Variants in RBMS3 observed in about 807,000 individuals in gnomAD.
RBMS3 encodes the protein RNA-binding motif, single-stranded-interacting protein 3.
RBMS3 carries 27 observed loss-of-function variants against 66.8 expected under a neutral mutation model. That is an observed-to-expected ratio of 0.40 (90% CI 0.30 to 0.56). The LOEUF (loss-of-function observed/expected upper bound fraction) is 0.56, where lower values mean the gene tolerates loss of function less well. Among genes scored for constraint, RBMS3 ranks in the 20% least tolerant of loss-of-function variants. The pLI, the probability that RBMS3 is intolerant of heterozygous loss-of-function variation, is 0.40. For synonymous variants in RBMS3, 188 were observed against 183.0 expected (o/e 1.03, Z -0.22); for missense variants, 513 against 549.5 (o/e 0.93, Z 0.66).
intron 5 of RBMS3, among the ~76,000 whole-genome samples, chr3:29,751,759 G>T (rs1372534624): frequency 6.6e-6 from 1 of 152,190 alleles, no homozygotes; most frequent in East Asian, 1.9e-4. Context: ...ACCTTTGTGG[G>T]ACTCACAAAG....
intron 1 of RBMS3, among the ~76,000 whole-genome samples, chr3:29,425,072 G>A (rs983593146): frequency 2.0e-5 from 3 of 151,480 alleles, no homozygotes; most frequent in African/African-American, 4.9e-5. Flanking sequence ...GGCCAAGCGC[G>A]GTGTCTCATG....
chr3:29,700,603 T>C (rs1036443032), intron 4 of RBMS3, among the ~76,000 whole-genome samples: 1 of 152,012 alleles, frequency 6.6e-6, no homozygotes. Context: ...TTATAGAACA[T>C]GTATGGTAAG....
chr3:29,359,594 C>T (rs1328789300), intron 1 of RBMS3, among the ~76,000 whole-genome samples: 3 of 152,018 alleles, frequency 2.0e-5, no homozygotes, highest in Non-Finnish European at 4.4e-5. Context: ...TCTTTTTCTA[C>T]TGATTGGAAT....
At chr3:29,403,435 G>A (rs1397895640) in intron 1 of RBMS3, among the ~76,000 whole-genome samples, 1 of 152,046 alleles carries the variant, frequency 6.6e-6, no homozygotes, top group Admixed American at 6.6e-5. Context: ...TTGGCTCTAG[G>A]AAGAGTTAGA....
At chr3:29,723,889 C>T (rs1380680671) in intron 4 of RBMS3, among the ~76,000 whole-genome samples, 2 of 152,004 alleles carry the variant, frequency 1.3e-5, no homozygotes, top group Admixed American at 1.3e-4. Flanking sequence ...TCGGTATCTT[C>T]TGAATAATAG....
intron 1 of RBMS3, among the ~76,000 whole-genome samples, chr3:29,339,705 T>C (rs772326947): frequency 6.6e-6 from 1 of 152,108 alleles, no homozygotes; most frequent in Non-Finnish European, 1.5e-5. Flanking sequence ...TGGCAAGAAC[T>C]GCTATCTAAA....
At chr3:29,493,641 A>C (rs1167443378) in intron 3 of RBMS3, among the ~76,000 whole-genome samples, 13 of 152,074 alleles carry the variant, frequency 8.5e-5, no homozygotes, top group Admixed American at 5.2e-4. Context: ...TTGGGCAAGA[A>C]AAAAATACAG....
chr3:29,834,591 T>C (rs1179697806), intron 6 of RBMS3, among the ~76,000 whole-genome samples: 2 of 151,964 alleles, frequency 1.3e-5, no homozygotes, highest in Non-Finnish European at 2.9e-5. Context: ...GGATGTACTA[T>C]GTAAGCCTAA....
chr3:29,765,029 C>T (rs1425408713), intron 6 of RBMS3, among the ~76,000 whole-genome samples: 1 of 151,978 alleles, frequency 6.6e-6, no homozygotes, highest in Non-Finnish European at 1.5e-5. Flanking sequence ...ATCATCAGTG[C>T]TTGAATCTGC....
chr3:29,367,343 G>C (rs1298990825), intron 1 of RBMS3, among the ~76,000 whole-genome samples: 1 of 152,040 alleles, frequency 6.6e-6, no homozygotes, highest in African/African-American at 2.4e-5. Flanking sequence ...CTGAAAAACA[G>C]TTGGGATATA....
chr3:29,701,905 C>G (rs1360321046), intron 4 of RBMS3, among the ~76,000 whole-genome samples: 1 of 152,182 alleles, frequency 6.6e-6, no homozygotes, highest in African/African-American at 2.4e-5. Context: ...CATCGACCGC[C>G]CAAAGGCTGA....
intron 5 of RBMS3, 152 bp from the exon 6 acceptor site, chr3:29,762,758 A>T: frequency 1.6e-6 from 1 of 636,432 alleles, no homozygotes; most frequent in Non-Finnish European, 2.8e-6. Flanking sequence ...ATGTTCTCTT[A>T]TCAATCTGGT....
At chr3:29,443,441 T>A (rs34484694) in intron 2 of RBMS3, among the ~76,000 whole-genome samples, 3,537 of 152,124 alleles carry the variant, frequency 0.023, 67 homozygotes, top group Non-Finnish European at 0.039. Flanking sequence ...CATTAGAATA[T>A]GTAAATGTCA....
At chr3:29,364,903 G>A (rs1437613718) in intron 1 of RBMS3, among the ~76,000 whole-genome samples, 1 of 152,074 alleles carries the variant, frequency 6.6e-6, no homozygotes, top group Non-Finnish European at 1.5e-5. Context: ...TGAGTTCGTG[G>A]AGTCACTGAT....
At chr3:29,323,687 CACAT>C (rs778904653) in intron 1 of RBMS3, among the ~76,000 whole-genome samples, 6 of 103,194 alleles carry the variant, frequency 5.8e-5, no homozygotes, top group East Asian at 2.5e-4. Flanking sequence ...GTTACACACA[CACAT>C]ACACACACAC....
chr3:29,313,971 C>G (rs1252772136), intron 1 of RBMS3, among the ~76,000 whole-genome samples: 2 of 151,614 alleles, frequency 1.3e-5, no homozygotes, highest in Non-Finnish European at 3.0e-5. Context: ...ACAGAAATCT[C>G]CTTGCTGTTA....
intron 7 of RBMS3, chr3:29,880,948 G>C: frequency 1.0e-6 from 1 of 991,152 alleles, no homozygotes; most frequent in African/African-American, 1.6e-5. Context: ...GTTTTCCAGG[G>C]AGCTCATGCT....
At chr3:29,960,628 C>T (rs1395326377) in intron 12 of RBMS3, among the ~76,000 whole-genome samples, 1 of 152,188 alleles carries the variant, frequency 6.6e-6, no homozygotes, top group Non-Finnish European at 1.5e-5. Flanking sequence ...CAAACTTCTG[C>T]TTGGACATCC....
chr3:29,766,284 T>A (rs1040045861), intron 6 of RBMS3: 15 of 151,942 alleles, frequency 9.9e-5, no homozygotes, highest in African/African-American at 3.4e-4. Context: ...CCTGAGATGA[T>A]CATCTAGTTT....
Sources: allele counts gnomAD v4.1 joint callset (sites outside exome capture counted in the v4.1 genomes callset), GRCh38; gene constraint gnomAD v4.1.1; transcripts MANE v1.5; gene names NCBI Gene and HGNC (gene_info 2026-07-23, HGNC 2026-07-21).